Variants in SUMF1 observed in about 807,000 individuals in gnomAD.
The protein encoded by SUMF1 is formylglycine-generating enzyme.
In SUMF1, 48 loss-of-function variants were observed where a neutral mutation model predicts 47.6. The observed-to-expected ratio is 1.01, with a 90% CI of 0.80 to 1.28. SUMF1 has a LOEUF of 1.28. SUMF1 is among the 50% of genes most tolerant of loss of function. SUMF1 has a pLI of 0.00. For missense variants in SUMF1, 571 were observed against 485.4 expected (o/e 1.18, Z -1.66); for synonymous variants, 230 against 192.1 (o/e 1.20, Z -1.63).
intron 8 of SUMF1, among the ~76,000 whole-genome samples, chr3:4,139,237 AG>A (rs1488110080): frequency 1.3e-5 from 2 of 152,076 alleles, no homozygotes; most frequent in African/African-American, 2.4e-5. Context: ...CATTGACAAA[AG>A]AGTAAATTTC....
intron 8 of SUMF1, among the ~76,000 whole-genome samples, chr3:4,182,410 T>C (rs1354709814): frequency 1.3e-5 from 2 of 148,572 alleles, no homozygotes. Flanking sequence ...TTATTTATAT[T>C]ATTTTATTAT....
intron 8 of SUMF1, among the ~76,000 whole-genome samples, chr3:4,111,210 A>G (rs1042657472): frequency 2.0e-5 from 3 of 151,946 alleles, no homozygotes; most frequent in Non-Finnish European, 2.9e-5. Context: ...TGGGTATAGG[A>G]AAATTTGGCC....
intron 8 of SUMF1, among the ~76,000 whole-genome samples, chr3:4,283,484 C>T (rs959270394): frequency 2.9e-5 from 4 of 136,554 alleles, no homozygotes; most frequent in Non-Finnish European, 5.1e-5. Flanking sequence ...GCTTTGACTC[C>T]AGGAACCCTT....
chr3:4,285,338 T>C (rs1488943217), intron 8 of SUMF1, among the ~76,000 whole-genome samples: 1 of 152,186 alleles, frequency 6.6e-6, no homozygotes, highest in African/African-American at 2.4e-5. Context: ...CTGAAGAGTC[T>C]ACTCAAAATA....
chr3:4,442,651 A>AAAAG (rs1416742068), intron 3 of SUMF1, among the ~76,000 whole-genome samples: 13 of 34,012 alleles, frequency 3.8e-4, no homozygotes, highest in African/African-American at 5.4e-4. Context: ...AAAAAAAAAA[A>AAAAG]AGAGAGAGAA....
chr3:4,197,993 T>C (rs1380990246), intron 8 of SUMF1, among the ~76,000 whole-genome samples: 1 of 150,422 alleles, frequency 6.6e-6, no homozygotes, highest in Non-Finnish European at 1.5e-5. Flanking sequence ...CGAATAACAA[T>C]GAGTTTAAGT....
chr3:4,143,766 A>G (rs538720984), intron 8 of SUMF1, among the ~76,000 whole-genome samples: 2 of 152,194 alleles, frequency 1.3e-5, no homozygotes, highest in East Asian at 3.9e-4. Flanking sequence ...CCTAATTCCT[A>G]ATCCATCAAG....
intron 7 of SUMF1, among the ~76,000 whole-genome samples, chr3:4,399,683 G>A (rs1167321634): frequency 6.6e-6 from 1 of 152,204 alleles, no homozygotes; most frequent in African/African-American, 2.4e-5. Context: ...AAGGCCCACG[G>A]AAGTGGAAGA....
chr3:4,438,297 G>C (rs557260454), intron 3 of SUMF1, among the ~76,000 whole-genome samples: 1 of 151,568 alleles, frequency 6.6e-6, no homozygotes, highest in East Asian at 1.9e-4. Context: ...TAATGACAAA[G>C]ATTCTCTCCT....
At chr3:4,456,944 ACATATATACGTGTGTG>A (rs1447354355) in intron 1 of SUMF1, among the ~76,000 whole-genome samples, 52 of 120,958 alleles carry the variant, frequency 4.3e-4, no homozygotes, top group Non-Finnish European at 6.9e-4. Flanking sequence ...ACGTGTGTGT[ACATATATACGTGTGTG>A]TATATATATA....
At chr3:4,146,358 G>A (rs558286986) in intron 8 of SUMF1, among the ~76,000 whole-genome samples, 1 of 152,070 alleles carries the variant, frequency 6.6e-6, no homozygotes, top group South Asian at 2.1e-4. Context: ...GGGAGCCACA[G>A]TCTAAAAAAA....
chr3:4,458,535 T>C (rs1193743001), intron 1 of SUMF1, among the ~76,000 whole-genome samples: 1 of 152,058 alleles, frequency 6.6e-6, no homozygotes, highest in African/African-American at 2.4e-5. Context: ...CATATATATA[T>C]AAATGTCAGA....
At chr3:4,063,367 C>T (rs1695309357) in intron 9 of SUMF1, among the ~76,000 whole-genome samples, 1 of 152,074 alleles carries the variant, frequency 6.6e-6, no homozygotes, top group Non-Finnish European at 1.5e-5. Flanking sequence ...AGAGACTGCA[C>T]ACAAAATGTT....
rs532007244 is a variant in SUMF1, at chr3:4,367,099, C to T, written c.1015-4845G>A. Among the ~76,000 whole-genome samples the T allele has an allele frequency of 9.0e-3, 1,366 of 152,126 alleles. 19 individuals are homozygous for T. Among genetic ancestry groups the T allele is most frequent in the African/African-American group, 0.032 (1,320 of 41,462 alleles). The stretch of plus-strand genomic sequence containing the variant: ...GGAAGTTTTGTCTCAGAGGAGTACC[C>T]GGCCGTGTGAGGTGTCAGTCTGCCC... On this transcript the variant is annotated intron_variant, in intron 8 of 8. Coordinates refer to ENST00000272902, the MANE Select transcript of SUMF1 (RefSeq NM_182760.4).
chr3:4,389,111 G>C (rs530682386), intron 7 of SUMF1, among the ~76,000 whole-genome samples: 13 of 152,078 alleles, frequency 8.5e-5, no homozygotes, highest in Non-Finnish European at 1.8e-4. Context: ...TTCTGTTTAA[G>C]AACATTCCTT....
chr3:4,151,049 G>A (rs551462479), intron 8 of SUMF1, among the ~76,000 whole-genome samples: 6 of 151,502 alleles, frequency 4.0e-5, no homozygotes, highest in Admixed American at 2.0e-4. Flanking sequence ...CTTCAACAGA[G>A]GATTAACGTC....
At position 4,431,244 on chromosome 3, in the gene SUMF1, G is replaced by A. The variant is rs117842390; in HGVS notation, c.520-11098C>T. ...AAGCTTTAAGTCAAAGCCACAGACC[G>A]GATTGAGAACCTGCCTTCCCATTTG... On this transcript the variant is annotated intron_variant, in intron 3 of 8. Transcript: ENST00000272902. Among the ~76,000 whole-genome samples the A allele has an allele frequency of 1.3e-3, 194 of 152,254 alleles. 2 individuals carry two copies. The East Asian group carries it at 0.029, about 23-fold the overall frequency.
At chr3:4,263,718 G>A (rs1559628969) in intron 8 of SUMF1, among the ~76,000 whole-genome samples, 1 of 152,006 alleles carries the variant, frequency 6.6e-6, no homozygotes, top group Non-Finnish European at 1.5e-5. Context: ...ATATTCCCTT[G>A]CCCCCTTATT....
At chr3:4,272,128 G>T (rs1697317579) in intron 8 of SUMF1, among the ~76,000 whole-genome samples, 1 of 152,180 alleles carries the variant, frequency 6.6e-6, no homozygotes, top group Non-Finnish European at 1.5e-5. Flanking sequence ...ATTCTTGCCA[G>T]TAGGGAAATC....
Sources: gnomAD v4.1 joint callset for allele counts (sites outside exome capture counted in the v4.1 genomes callset) on GRCh38, gnomAD v4.1.1 for gene constraint, MANE v1.5 for transcripts, NCBI Gene and HGNC (gene_info 2026-07-23, HGNC 2026-07-21) for gene names.